Variants in VPS41 observed in about 807,000 individuals in gnomAD.
VPS41 encodes VPS41 subunit of HOPS complex, also known as vacuolar protein sorting-associated protein 41 homolog.
In VPS41, 85 loss-of-function variants were observed where a neutral mutation model predicts 130.9. That is an observed-to-expected ratio of 0.65 (90% CI 0.55 to 0.78). VPS41 has a LOEUF of 0.78. VPS41 is among the 30% of genes least tolerant of loss of function. VPS41 has a pLI of 0.00. For missense variants in VPS41, 874 were observed against 1,018.7 expected, an observed-to-expected ratio of 0.86 and a Z score of 1.93; for synonymous variants, 335 against 332.9, an observed-to-expected ratio of 1.01 and a Z score of -0.07.
chr7:38,905,076 A>T (rs4623319), intron 1 of VPS41, among the ~76,000 whole-genome samples: 39,148 of 152,160 alleles, frequency 0.26, 6,451 homozygotes, highest in Non-Finnish European at 0.38. Context: ...TCCTACTAAT[A>T]TACAATTTGA....
intron 25 of VPS41, 91 bp downstream of exon 25, chr7:38,741,894 T>C: frequency 6.7e-7 from 1 of 1,483,746 alleles, no homozygotes. Context: ...TCGAAAGTTT[T>C]TAACTGATAC....
chr7:38,878,044 T>C lies in VPS41; in HGVS notation c.61-8791A>G, dbSNP rs1786527162. ...TGACCACCATCTTTCTACATCTTTC[T>C]TCCACAGGCTGAGACTCTAAACCTC... On this transcript the variant is annotated intron_variant, in intron 2 of 28. Coordinates refer to ENST00000310301, the MANE Select transcript of VPS41 (RefSeq NM_014396.4). Among the ~76,000 whole-genome samples, 3 of 152,160 alleles carry C rather than the reference T, an allele frequency of 2.0e-5. No individual in the cohort carries two copies. The South Asian group carries it at 6.2e-4, about 31-fold the overall frequency.
intron 4 of VPS41, among the ~76,000 whole-genome samples, chr7:38,854,851 GAA>G: frequency 9.9e-5 from 1 of 10,124 alleles, no homozygotes; most frequent in African/African-American, 2.2e-4. Flanking sequence ...AAGAAGTGGA[GAA>G]AAAAAAAAAA....
At chr7:38,811,210 C>A (rs370728718) in intron 7 of VPS41, among the ~76,000 whole-genome samples, 1 of 152,008 alleles carries the variant, frequency 6.6e-6, no homozygotes, top group Non-Finnish European at 1.5e-5. Context: ...AAACAAAACA[C>A]GCTAATGTCA....
intron 4 of VPS41, among the ~76,000 whole-genome samples, chr7:38,845,888 C>A (rs17680582): frequency 1.3e-5 from 2 of 152,164 alleles, no homozygotes; most frequent in African/African-American, 4.8e-5. Flanking sequence ...AAATGAAAGA[C>A]AACTAAATTT....
chr7:38,846,247 T>C (rs528789566), intron 4 of VPS41, among the ~76,000 whole-genome samples: 20 of 152,322 alleles, frequency 1.3e-4, no homozygotes, highest in East Asian at 7.7e-4. Context: ...TTGCAAACCA[T>C]TGTTTATATG....
At chr7:38,797,081 G>T in intron 7 of VPS41, 1 of 498,238 alleles carries the variant, frequency 2.0e-6, no homozygotes, top group Non-Finnish European at 3.5e-6. Flanking sequence ...GATGAGTGTT[G>T]AAGTTACTAC....
At chr7:38,730,411 A>G (rs1253640812) in intron 25 of VPS41, among the ~76,000 whole-genome samples, 1 of 152,200 alleles carries the variant, frequency 6.6e-6, no homozygotes, top group Non-Finnish European at 1.5e-5. Flanking sequence ...AAGACAAATT[A>G]ATATTCAGGA....
intron 1 of VPS41, among the ~76,000 whole-genome samples, chr7:38,900,692 T>C (rs879499713): frequency 6.6e-5 from 10 of 152,202 alleles, no homozygotes; most frequent in Admixed American, 5.2e-4. Flanking sequence ...CAGGGAAAAC[T>C]GGGCTCTGAG....
chr7:38,771,079 T>G (rs1784144201), intron 14 of VPS41, 119 bp downstream of exon 14: 1 of 744,284 alleles, frequency 1.3e-6, no homozygotes, highest in Non-Finnish European at 2.2e-6. Context: ...GGTTAGGGAA[T>G]TAGTTTAAAA....
chr7:38,894,397 T>C (rs115260057), intron 2 of VPS41, among the ~76,000 whole-genome samples: 349 of 147,814 alleles, frequency 2.4e-3, no homozygotes, highest in African/African-American at 8.3e-3. Context: ...CAGTAATATC[T>C]AGGAGAGTAA....
At chr7:38,861,169 G>C (rs1319925831) in intron 4 of VPS41, among the ~76,000 whole-genome samples, 1 of 152,186 alleles carries the variant, frequency 6.6e-6, no homozygotes, top group African/African-American at 2.4e-5. Flanking sequence ...CTGACTTTTG[G>C]CAATGGAACC....
chr7:38,851,916 A>G (rs1251829172), intron 4 of VPS41, among the ~76,000 whole-genome samples: 1 of 152,184 alleles, frequency 6.6e-6, no homozygotes, highest in Non-Finnish European at 1.5e-5. Flanking sequence ...TCCTTGCTAT[A>G]AATTAAACTT....
intron 7 of VPS41, among the ~76,000 whole-genome samples, chr7:38,802,395 G>A (rs1424838121): frequency 1.3e-5 from 2 of 152,028 alleles, no homozygotes; most frequent in African/African-American, 4.8e-5. Context: ...CTTCACTCAT[G>A]AGTCCACTTT....
At chr7:38,860,432 T>G (rs1284977121) in intron 4 of VPS41, among the ~76,000 whole-genome samples, 1 of 152,144 alleles carries the variant, frequency 6.6e-6, no homozygotes, top group African/African-American at 2.4e-5. Context: ...AAGACTCTTC[T>G]GTGCTCCCTC....
chr7:38,809,416 T>A (rs1317829974), intron 7 of VPS41, among the ~76,000 whole-genome samples: 1 of 149,880 alleles, frequency 6.7e-6, no homozygotes, highest in Non-Finnish European at 1.5e-5. Flanking sequence ...TAGAAAAAAA[T>A]AAAAATGTTG....
At chr7:38,726,690 T>C (rs536890176) in intron 28 of VPS41, among the ~76,000 whole-genome samples, 1 of 152,376 alleles carries the variant, frequency 6.6e-6, no homozygotes, top group African/African-American at 2.4e-5. Flanking sequence ...AATGAATTCC[T>C]TCAAATGGGT....
chr7:38,745,514 C>T, intron 23 of VPS41, 45 bp downstream of exon 23: 2 of 1,474,348 alleles, frequency 1.4e-6, no homozygotes, highest in African/African-American at 2.8e-5. Context: ...TGTTGTCATC[C>T]CATTTCTTAG....
At chr7:38,903,699 G>A (rs933890248) in intron 1 of VPS41, among the ~76,000 whole-genome samples, 23 of 152,182 alleles carry the variant, frequency 1.5e-4, no homozygotes, top group African/African-American at 5.3e-4. Context: ...GGCACAGGAA[G>A]GAGGAAATAT....
Sources: gnomAD v4.1 joint callset for allele counts (sites outside exome capture counted in the v4.1 genomes callset) on GRCh38, gnomAD v4.1.1 for gene constraint, MANE v1.5 for transcripts, NCBI Gene and HGNC (gene_info 2026-07-23, HGNC 2026-07-21) for gene names.